SH3KBP1: variants seen among roughly 807,000 people sequenced by gnomAD.
SH3KBP1 encodes SH3 domain-containing kinase-binding protein 1.
A neutral mutation model predicts 50.1 loss-of-function variants in SH3KBP1; 8 were observed. That is an observed-to-expected ratio of 0.16 (90% confidence interval 0.09 to 0.29). The LOEUF is 0.29. Among genes scored for constraint, SH3KBP1 ranks in the 10% least tolerant of loss-of-function variants. The pLI, the probability that SH3KBP1 is intolerant of heterozygous loss-of-function variation, is 1.00. For synonymous variants in SH3KBP1, 227 were observed against 218.6 expected (o/e 1.04, Z -0.34); for missense variants, 377 against 535.2 (o/e 0.70, Z 2.92).
intron 2 of SH3KBP1, among the ~76,000 whole-genome samples, chrX:19,791,486 AT>A (rs1034195140): frequency 2.8e-5 from 3 of 107,139 alleles, no homozygotes; most frequent in Admixed American, 1.0e-4. Context: ...TGGGTTTTAA[AT>A]TTTTTTGTAT....
intron 2 of SH3KBP1, among the ~76,000 whole-genome samples, chrX:19,817,826 G>A (rs1196413516): frequency 9.0e-6 from 1 of 111,207 alleles, no homozygotes; most frequent in Non-Finnish European, 1.9e-5. Flanking sequence ...GTAGAGACAG[G>A]GTTTCACCAT....
At chrX:19,726,253 G>C (rs756311871) in intron 3 of SH3KBP1, among the ~76,000 whole-genome samples, 1 of 111,738 alleles carries the variant, frequency 8.9e-6, no homozygotes, top group East Asian at 2.8e-4. Flanking sequence ...GAGGCGGCAT[G>C]GAGGAAGGCG....
intron 3 of SH3KBP1, among the ~76,000 whole-genome samples, chrX:19,723,023 T>C (rs1428864612): frequency 1.8e-5 from 2 of 108,147 alleles, no homozygotes; most frequent in South Asian, 4.1e-4. Flanking sequence ...GACACACGCC[T>C]GTAATCCCAG....
In SH3KBP1 at chrX:19,878,472, T is replaced by TTGTG. The variant is rs56786885; in HGVS notation, c.4+8831_4+8834dup. 5.3e-3 allele frequency among the ~76,000 whole-genome samples: 388 copies of TTGTG among 73,029 alleles called. 7 individuals carry two copies. The highest frequency in any genetic ancestry group is 0.022 in the African/African-American group (333 of 15,321). 63.4% of individuals were successfully genotyped at this position (73,029 alleles called of 115,157 possible). ...GTATGTGCCACCACGCCTGGCTAAT[T>TTGTG]TGTGTGTGTGTGTGTGTGTGTGTGT... On this transcript the variant is annotated intron_variant, in intron 1 of 17. Transcript: ENST00000397821.
chrX:19,866,215 T>G, intron 1 of SH3KBP1, among the ~76,000 whole-genome samples: 1 of 111,282 alleles, frequency 9.0e-6, no homozygotes, highest in East Asian at 2.8e-4. Context: ...CAGGAGGAAG[T>G]GTGGCAAGCC....
intron 3 of SH3KBP1, among the ~76,000 whole-genome samples, chrX:19,717,994 C>T (rs1460620275): frequency 9.0e-6 from 1 of 111,060 alleles, no homozygotes; most frequent in Non-Finnish European, 1.9e-5. Context: ...CATGTGAAAC[C>T]TGGATGTCTA....
At chrX:19,731,387 C>G (rs2064373393) in intron 3 of SH3KBP1, among the ~76,000 whole-genome samples, 2 of 111,975 alleles carry the variant, frequency 1.8e-5, no homozygotes, top group African/African-American at 6.5e-5. Context: ...ATTTTAGGAC[C>G]CTTCTCTTTG....
intron 9 of SH3KBP1, among the ~76,000 whole-genome samples, chrX:19,605,814 G>A (rs760296110): frequency 8.9e-6 from 1 of 111,770 alleles, no homozygotes; most frequent in East Asian, 2.8e-4. Flanking sequence ...TCAGGCAGCA[G>A]ATCCAGAAAA....
intron 12 of SH3KBP1, among the ~76,000 whole-genome samples, chrX:19,584,077 T>C (rs2066469671): frequency 1.1e-5 from 1 of 93,774 alleles, no homozygotes; most frequent in East Asian, 3.0e-4. Flanking sequence ...TAGATAAATA[T>C]ATATTAATTG....
At chrX:19,887,158 G>T in intron 1 of SH3KBP1, 149 bp downstream of exon 1, 1 of 423,716 alleles carries the variant, frequency 2.4e-6, no homozygotes, top group Non-Finnish European at 3.4e-6. Context: ...GAGTGAATGG[G>T]GGTGCGCGAG....
At position 19,577,551 on chromosome X, in the gene SH3KBP1, C is replaced by T. The variant is rs763343320; in HGVS notation, c.1299-8363G>A. ...ATATAAGATGGGGCTCGTGCACAGA[C>T]GGCAATGTGGAAGATGCACCATGTG... On this transcript the variant is annotated intron_variant, in intron 12 of 17. Coordinates refer to ENST00000397821, the MANE Select transcript of SH3KBP1 (RefSeq NM_031892.3). Among the ~76,000 whole-genome samples the T allele has an allele frequency of 1.2e-4, 13 of 111,254 alleles. No individual in the cohort carries two copies. The East Asian group carries it at 2.5e-3, about 22-fold the overall frequency.
At chrX:19,619,501 T>G (rs1044291666) in intron 8 of SH3KBP1, among the ~76,000 whole-genome samples, 4 of 111,566 alleles carry the variant, frequency 3.6e-5, no homozygotes, top group Admixed American at 9.5e-5. Flanking sequence ...TAATCAAGTA[T>G]GTGGTTGGGT....
rs943443803 is a variant in SH3KBP1, at chrX:19,620,620, G to T, written c.897+11244C>A. 3.6e-5 allele frequency among the ~76,000 whole-genome samples: 4 copies of T among 111,728 alleles called. No individual in the cohort carries two copies. The East Asian group carries it at 8.4e-4, about 23-fold the overall frequency. ...GGCTCTGTCTGTCTGCCACCACAGG[G>T]GAGAAAGGGCACGGGGCAAGGAAAG... On this transcript the variant is annotated intron_variant, in intron 8 of 17. Coordinates refer to ENST00000397821, the MANE Select transcript of SH3KBP1 (RefSeq NM_031892.3).
At chrX:19,823,423 G>A (rs1203999168) in intron 2 of SH3KBP1, among the ~76,000 whole-genome samples, 2 of 111,894 alleles carry the variant, frequency 1.8e-5, no homozygotes, top group Non-Finnish European at 1.9e-5. Flanking sequence ...CCTTGCGGCC[G>A]TAGGTCTGAG....
chrX:19,826,482 C>T (rs2067674370), intron 2 of SH3KBP1, among the ~76,000 whole-genome samples: 1 of 109,615 alleles, frequency 9.1e-6, no homozygotes, highest in African/African-American at 3.3e-5. Context: ...GGAGGGCAAC[C>T]AGCGTGGGCA....
At position 19,541,950 on chromosome X, in the gene SH3KBP1, T is replaced by C; in HGVS notation, c.1867A>G (p.Ile623Val). The C allele has an allele frequency of 4.1e-6, 5 of 1,210,796 alleles. No homozygotes were observed. The highest frequency in any genetic ancestry group is 5.6e-6 in the Non-Finnish European group (5 of 894,975). Residue 623 changes from isoleucine (I) to valine (V), a missense_variant, in exon 16 of 18, where the codon ATC becomes GTC. Around this residue, in one of 3 missense-constraint regions of SH3KBP1, gnomAD observed 110 missense variants for 124.1 expected, o/e 0.89. Transcript: ENST00000397821. The stretch of plus-strand genomic sequence containing the variant: ...TTCTGCTGGTCCTTCATGGTCTCGA[T>C]GATGCTCCTCAGCTCGCGGACCTGT... ...RTQVRELRSI[I>V]ETMKDQQKRE...
chrX:19,542,243 G>A, intron 15 of SH3KBP1, 50 bp from the exon 16 acceptor site: 1 of 1,104,845 alleles, frequency 9.1e-7, no homozygotes, highest in Non-Finnish European at 1.2e-6. Flanking sequence ...TTTGTGTGCT[G>A]CGTCTTTGTC....
chrX:19,703,632 C>CA (rs1395300908), intron 4 of SH3KBP1, among the ~76,000 whole-genome samples: 1 of 108,511 alleles, frequency 9.2e-6, no homozygotes, highest in African/African-American at 3.4e-5. Flanking sequence ...TCAACTCTTT[C>CA]AAAAAAACTA....
chrX:19,601,131 A>G (rs998097273), intron 9 of SH3KBP1, among the ~76,000 whole-genome samples: 2 of 112,140 alleles, frequency 1.8e-5, no homozygotes, highest in Non-Finnish European at 3.8e-5. Context: ...CTAAGTGCAC[A>G]TGCGTCTGTG....
Sources: allele counts gnomAD v4.1 joint callset (sites outside exome capture counted in the v4.1 genomes callset), GRCh38; gene constraint gnomAD v4.1.1; regional missense constraint gnomAD v4.1.1; transcripts MANE v1.5; gene names NCBI Gene and HGNC (gene_info 2026-07-23, HGNC 2026-07-21).